Variants in MEF2A observed in about 807,000 individuals in gnomAD.
MEF2A encodes the protein myocyte-specific enhancer factor 2A.
MEF2A carries 28 observed loss-of-function variants against 55.8 expected under a neutral mutation model. That is an observed-to-expected ratio of 0.50 (90% CI 0.37 to 0.69). MEF2A has a LOEUF of 0.69. Ranked by LOEUF, MEF2A falls within the 30% of genes least tolerant of loss-of-function variation. The pLI, the probability that MEF2A is intolerant of heterozygous loss-of-function variation, is 0.00. For missense variants in MEF2A, 528 were observed against 626.2 expected (o/e 0.84, Z 1.67); for synonymous variants, 239 against 227.1 (o/e 1.05, Z -0.47).
intron 2 of MEF2A, among the ~76,000 whole-genome samples, chr15:99,629,627 C>G (rs1286078400): frequency 1.3e-5 from 2 of 151,982 alleles, no homozygotes; most frequent in Non-Finnish European, 1.5e-5. Flanking sequence ...TGTGGCGTGC[C>G]TGGGCATCTA....
chr15:99,690,597 CA>C, intron 8 of MEF2A, 169 bp downstream of exon 8: 1 of 751,872 alleles, frequency 1.3e-6, no homozygotes. Context: ...TTCAAATACA[CA>C]AAAATCAGAT....
chr15:99,575,490 C>G (rs749193398), intron 1 of MEF2A, among the ~76,000 whole-genome samples: 15 of 152,164 alleles, frequency 9.9e-5, no homozygotes, highest in Non-Finnish European at 1.9e-4. Flanking sequence ...GGTATATCCT[C>G]AGTGCATCAC....
chr15:99,632,528 A>G (rs1242738542), intron 2 of MEF2A, among the ~76,000 whole-genome samples: 1 of 152,196 alleles, frequency 6.6e-6, no homozygotes, highest in African/African-American at 2.4e-5. Context: ...CCCTGAGTTT[A>G]TAACCCCAAG....
intron 1 of MEF2A, among the ~76,000 whole-genome samples, chr15:99,569,864 G>A (rs1453368445): frequency 6.6e-6 from 1 of 151,892 alleles, no homozygotes; most frequent in Non-Finnish European, 1.5e-5. Flanking sequence ...CTCGTGTATA[G>A]TTTATCTGTG....
chr15:99,634,469 G>A (rs1296803009), intron 3 of MEF2A, among the ~76,000 whole-genome samples: 1 of 152,040 alleles, frequency 6.6e-6, no homozygotes, highest in Admixed American at 6.6e-5. Flanking sequence ...GTGTAGAGGA[G>A]GCATAGGGAC....
chr15:99,605,956 G>A (rs1189322157), intron 2 of MEF2A, among the ~76,000 whole-genome samples: 1 of 152,182 alleles, frequency 6.6e-6, no homozygotes, highest in Non-Finnish European at 1.5e-5. Context: ...AGGAAATTTT[G>A]TGGCCCAAGA....
At chr15:99,698,091 A>AT (rs1008938588) in intron 8 of MEF2A, among the ~76,000 whole-genome samples, 1 of 152,192 alleles carries the variant, frequency 6.6e-6, no homozygotes, top group African/African-American at 2.4e-5. Flanking sequence ...CTAAAATTGG[A>AT]TTATAGACCC....
chr15:99,605,964 A>G (rs990140467), intron 2 of MEF2A, among the ~76,000 whole-genome samples: 4 of 152,210 alleles, frequency 2.6e-5, no homozygotes, highest in African/African-American at 9.6e-5. Context: ...TTGTGGCCCA[A>G]GAATAGCTAA....
At chr15:99,591,598 C>T (rs903729159) in intron 1 of MEF2A, among the ~76,000 whole-genome samples, 2 of 152,136 alleles carry the variant, frequency 1.3e-5, no homozygotes, top group Non-Finnish European at 2.9e-5. Context: ...GGCCCTATTT[C>T]GTCATGTATT....
intron 3 of MEF2A, among the ~76,000 whole-genome samples, chr15:99,642,049 G>A (rs2045096129): frequency 6.6e-6 from 1 of 152,108 alleles, no homozygotes; most frequent in Admixed American, 6.5e-5. Flanking sequence ...GCTTGTAGGT[G>A]TTATACTTCC....
At chr15:99,577,662 T>C (rs906361345) in intron 1 of MEF2A, among the ~76,000 whole-genome samples, 2 of 150,956 alleles carry the variant, frequency 1.3e-5, no homozygotes, top group African/African-American at 5.0e-5. Context: ...TTTAATCAGT[T>C]TTTCTTCTAA....
chr15:99,679,461 C>T (rs894388526), intron 7 of MEF2A, among the ~76,000 whole-genome samples: 26 of 152,162 alleles, frequency 1.7e-4, no homozygotes, highest in Non-Finnish European at 4.4e-5. Context: ...AAGATAGATA[C>T]ATACTCAAGA....
intron 9 of MEF2A, 126 bp from the exon 10 acceptor site, chr15:99,706,603 C>A: frequency 1.9e-6 from 2 of 1,032,766 alleles, no homozygotes; most frequent in East Asian, 2.5e-5. Flanking sequence ...GAAGTTTTCA[C>A]ATCATCAGTG....
At chr15:99,670,053 C>T (rs1216417047) in intron 4 of MEF2A, among the ~76,000 whole-genome samples, 1 of 151,992 alleles carries the variant, frequency 6.6e-6, no homozygotes, top group African/African-American at 2.4e-5. Flanking sequence ...GTGTTGAACC[C>T]TGTAACTCTA....
intron 3 of MEF2A, among the ~76,000 whole-genome samples, chr15:99,636,756 C>A (rs1036349308): frequency 6.6e-6 from 1 of 152,168 alleles, no homozygotes; most frequent in Admixed American, 6.5e-5. Flanking sequence ...TCTTTACTTA[C>A]CATAAGGCCA....
chr15:99,670,453 A>C lies in MEF2A; in HGVS notation c.259-870A>C, dbSNP rs939636435. On this transcript the variant is annotated intron_variant, in intron 4 of 11. Coordinates refer to ENST00000557942, the MANE Select transcript of MEF2A (RefSeq NM_001319206.4). ...GAAACCCCATCTCTACTAAAAATAC[A>C]AAAAAAATTAGCCGGGCGTGGTGGC... is the stretch of plus-strand genomic sequence containing the variant. Among the ~76,000 whole-genome samples the C allele has an allele frequency of 4.7e-5, 7 of 148,602 alleles. No homozygotes were observed. In the South Asian group the frequency reaches 1.5e-3, roughly 32 times the overall value.
chr15:99,652,314 G>A (rs187832475), intron 4 of MEF2A, among the ~76,000 whole-genome samples: 12 of 152,200 alleles, frequency 7.9e-5, no homozygotes, highest in Admixed American at 3.3e-4. Flanking sequence ...CGTGCAGTTC[G>A]CAGTAGGTTT....
chr15:99,702,036 C>G (rs1216375774), intron 8 of MEF2A, among the ~76,000 whole-genome samples: 1 of 152,196 alleles, frequency 6.6e-6, no homozygotes, highest in Non-Finnish European at 1.5e-5. Context: ...CACGCTTATT[C>G]CTGTATATTA....
At chr15:99,691,270 A>G (rs2055405177) in intron 8 of MEF2A, among the ~76,000 whole-genome samples, 1 of 152,144 alleles carries the variant, frequency 6.6e-6, no homozygotes, top group Admixed American at 6.5e-5. Context: ...CAGAGAGATT[A>G]TTATGTTTAA....
Sources: allele counts gnomAD v4.1 joint callset (sites outside exome capture counted in the v4.1 genomes callset), GRCh38; gene constraint gnomAD v4.1.1; transcripts MANE v1.5; gene names NCBI Gene and HGNC (gene_info 2026-07-23, HGNC 2026-07-21).